PEAK1: variants seen among roughly 807,000 people sequenced by gnomAD.
The protein encoded by PEAK1 is inactive tyrosine-protein kinase PEAK1.
A neutral mutation model predicts 124.7 loss-of-function variants in PEAK1; 54 were observed. That is an observed-to-expected ratio of 0.43 (90% CI 0.35 to 0.54). The LOEUF (loss-of-function observed/expected upper bound fraction) is 0.54. PEAK1 is among the 20% of genes least tolerant of loss of function. PEAK1 has a pLI of 0.01. For missense variants in PEAK1, 2,046 were observed against 2,134.5 expected (o/e 0.96, Z 0.82); for synonymous variants, 719 against 760.0 (o/e 0.95, Z 0.89).
chr15:77,270,343 C>T (rs2061964593), intron 5 of PEAK1, among the ~76,000 whole-genome samples: 1 of 152,118 alleles, frequency 6.6e-6, no homozygotes, highest in Non-Finnish European at 1.5e-5. Flanking sequence ...CAAATTGTCC[C>T]TGTTTGCAGA....
At position 77,340,171 on chromosome 15, in the gene PEAK1, C is replaced by T. The variant is rs144664788; in HGVS notation, c.-603+24992G>A. On this transcript the variant is annotated intron_variant, in intron 2 of 9. Transcript: ENST00000682557. ...CAATGTCCACACAAAAACCTGCATG[C>T]AAATGTTTATAGAAGTTTTATTTCT... is the stretch of plus-strand genomic sequence containing the variant. Among the ~76,000 whole-genome samples, 367 of 152,294 alleles carry T rather than the reference C, an allele frequency of 2.4e-3. 2 individuals carry two copies. Among genetic ancestry groups the T allele is most frequent in the African/African-American group, 8.2e-3 (340 of 41,554 alleles).
chr15:77,232,159 C>T (rs775039106), intron 6 of PEAK1, among the ~76,000 whole-genome samples: 1 of 152,146 alleles, frequency 6.6e-6, no homozygotes, highest in African/African-American at 2.4e-5. Context: ...ATTCTCACTT[C>T]GCTCTTTACC....
At chr15:77,295,922 T>C (rs2063463878) in intron 2 of PEAK1, among the ~76,000 whole-genome samples, 1 of 152,198 alleles carries the variant, frequency 6.6e-6, no homozygotes, top group South Asian at 2.1e-4. Context: ...ACAAAGAAAA[T>C]TTTGGGTACC....
At chr15:77,216,136 T>C (rs189091072) in intron 6 of PEAK1, among the ~76,000 whole-genome samples, 9 of 152,292 alleles carry the variant, frequency 5.9e-5, no homozygotes, top group Admixed American at 3.3e-4. Flanking sequence ...TTGAGGAGGA[T>C]TGCCATCTTA....
At chr15:77,143,960 C>A (rs992393263) in intron 8 of PEAK1, among the ~76,000 whole-genome samples, 2 of 152,194 alleles carry the variant, frequency 1.3e-5, no homozygotes, top group African/African-American at 4.8e-5. Context: ...CTGTAAGAAG[C>A]TTTATGGGCA....
intron 8 of PEAK1, among the ~76,000 whole-genome samples, chr15:77,149,680 A>C (rs1162223367): frequency 6.6e-6 from 1 of 152,184 alleles, no homozygotes; most frequent in Non-Finnish European, 1.5e-5. Context: ...ATCATAATGT[A>C]TTATACCCTA....
intron 9 of PEAK1, among the ~76,000 whole-genome samples, chr15:77,127,104 C>T (rs1323338024): frequency 6.6e-6 from 1 of 151,384 alleles, no homozygotes; most frequent in African/African-American, 2.4e-5. Context: ...CTTCTAAGAA[C>T]AGACACTGGG....
At chr15:77,377,749 C>T (rs575964628) in intron 1 of PEAK1, among the ~76,000 whole-genome samples, 25 of 152,238 alleles carry the variant, frequency 1.6e-4, no homozygotes, top group African/African-American at 5.1e-4. Flanking sequence ...GGATTACAGG[C>T]GTGAGCCACC....
intron 2 of PEAK1, among the ~76,000 whole-genome samples, chr15:77,308,506 T>C (rs1218460353): frequency 6.6e-6 from 1 of 152,088 alleles, no homozygotes; most frequent in Non-Finnish European, 1.5e-5. Context: ...TTAATAAATT[T>C]CAGTTATGTA....
chr15:77,420,283 C>G (rs899316107), upstream of PEAK1: 1 of 151,312 alleles, frequency 6.6e-6, no homozygotes, highest in East Asian at 2.0e-4. Flanking sequence ...GCTCACGGGC[C>G]CCGGTCGTCT....
At position 77,320,551 on chromosome 15, in the gene PEAK1, T is replaced by TA. The variant is rs202037133; in HGVS notation, c.-602-34048dup. ...ACCAACAATTTATGCCTTGCCTTGGTAGTTCATTGTTTTTCGTATCTGGGA... is the reference window on the plus strand; with the variant it reads ...ACCAACAATTTATGCCTTGCCTTGGTAAGTTCATTGTTTTTCGTATCTGGGA... On this transcript the variant is annotated intron_variant, in intron 2 of 9. Coordinates refer to ENST00000682557, the MANE Select transcript of PEAK1 (RefSeq NM_001385026.1). 5.0e-3 allele frequency among the ~76,000 whole-genome samples: 765 copies of TA among 152,304 alleles called. 2 individuals carry two copies. The highest frequency in any genetic ancestry group is 6.3e-3 in the Non-Finnish European group (427 of 68,014).
intron 5 of PEAK1, among the ~76,000 whole-genome samples, chr15:77,264,552 G>A (rs148231946): frequency 0.064 from 9,722 of 152,194 alleles, 447 homozygotes; most frequent in Non-Finnish European, 0.09. Context: ...TACAAGGGAC[G>A]TGAAGGACCT....
intron 2 of PEAK1, chr15:77,332,321 C>T (rs866033239): frequency 4.6e-5 from 45 of 980,906 alleles, no homozygotes; most frequent in Non-Finnish European, 5.0e-5. Flanking sequence ...ATTTTTTGGC[C>T]GGGTGCGGTG....
chr15:77,351,444 A>G (rs2067203273), intron 2 of PEAK1, among the ~76,000 whole-genome samples: 1 of 152,214 alleles, frequency 6.6e-6, no homozygotes. Flanking sequence ...TTTACACTTC[A>G]GCTATAATAG....
At chr15:77,195,016 T>C (rs917162590) in intron 6 of PEAK1, among the ~76,000 whole-genome samples, 1 of 152,152 alleles carries the variant, frequency 6.6e-6, no homozygotes, top group African/African-American at 2.4e-5. Context: ...ACAACTAAAA[T>C]GTGAAATGTA....
intron 5 of PEAK1, among the ~76,000 whole-genome samples, chr15:77,262,164 T>A (rs937435077): frequency 6.6e-6 from 1 of 152,134 alleles, no homozygotes. Context: ...CATGTCAAAC[T>A]GTAAAGACCA....
intron 5 of PEAK1, among the ~76,000 whole-genome samples, chr15:77,260,149 C>T (rs889275081): frequency 6.6e-6 from 1 of 152,094 alleles, no homozygotes; most frequent in Non-Finnish European, 1.5e-5. Flanking sequence ...ACAAAGCAAT[C>T]AGCAGGGTCC....
At chr15:77,142,271 T>C (rs1361442087) in intron 8 of PEAK1, among the ~76,000 whole-genome samples, 2 of 152,240 alleles carry the variant, frequency 1.3e-5, no homozygotes, top group Non-Finnish European at 2.9e-5. Flanking sequence ...TGAGACATCA[T>C]TTCACATCTA....
chr15:77,373,383 C>A (rs2068782272), intron 1 of PEAK1, among the ~76,000 whole-genome samples: 1 of 152,170 alleles, frequency 6.6e-6, no homozygotes, highest in Non-Finnish European at 1.5e-5. Context: ...CAAACTATAT[C>A]ATAACTGTCT....
Sources: gnomAD v4.1 joint callset for allele counts (sites outside exome capture counted in the v4.1 genomes callset) on GRCh38, gnomAD v4.1.1 for gene constraint, MANE v1.5 for transcripts, NCBI Gene and HGNC (gene_info 2026-07-23, HGNC 2026-07-21) for gene names.